The following CLCNKB variants were observed in gnomAD, a reference collection of about 807,000 sequenced individuals.
The protein encoded by CLCNKB is chloride channel protein ClC-Kb.
A neutral mutation model predicts 83.8 loss-of-function variants in CLCNKB; 74 were observed. The ratio of observed to expected loss-of-function variants is 0.88; its 90% CI spans 0.73 to 1.07. CLCNKB has a LOEUF of 1.07. CLCNKB is among the 50% of genes least tolerant of loss of function. The probability of loss-of-function intolerance (pLI) is 0.00; values close to 1 mark genes in which losing one functional copy is unlikely to be tolerated. For missense variants in CLCNKB, 798 were observed against 893.6 expected (o/e 0.89, Z 1.36); for synonymous variants, 358 against 356.6 (o/e 1.00, Z -0.04).
intron 2 of CLCNKB, 46 bp downstream of exon 2, chr1:16,044,638 A>T: frequency 6.8e-7 from 1 of 1,477,150 alleles, no homozygotes; most frequent in East Asian, 2.4e-5. Context: ...ACCACTCAGG[A>T]CATCATTCCT....
rs774299350 is a variant in CLCNKB, at chr1:16,051,769, G to T, written c.1357G>T (p.Val453Leu). The T allele has an allele frequency of 6.2e-7, 1 of 1,613,958 alleles. No individual in the cohort carries two copies. Among genetic ancestry groups the T allele is most frequent in the Non-Finnish European group, 8.5e-7 (1 of 1,179,976 alleles). The change falls in exon 14 of 20, where the codon GTG becomes TTG. Residue 453 changes from valine (V) to leucine (L), a missense_variant. Physicochemically the swap from Val to Leu is conservative, Grantham distance 32. Transcript: ENST00000375679. ...TLSFIFPEGI[V>L]AGGITNPIMP... ...CTCTTTTATCTTCCCTGAGGGCATC[G>T]TGGCTGGAGGGATCACCAATCCCAT... is the stretch of plus-strand genomic sequence containing the variant.
At chr1:16,049,339 T>C in intron 8 of CLCNKB, 94 bp downstream of exon 8, 1 of 1,563,212 alleles carries the variant, frequency 6.4e-7, no homozygotes, top group Non-Finnish European at 8.6e-7. Flanking sequence ...TGCTCTTCCT[T>C]TCCCTCTCTC....
chr1:16,048,640 G>A (rs2023178637), intron 7 of CLCNKB, 58 bp downstream of exon 7: 5 of 1,604,344 alleles, frequency 3.1e-6, no homozygotes, highest in Admixed American at 1.7e-5. Flanking sequence ...CTCACACCCT[G>A]GGCTCCTTCG....
chr1:16,049,380 T>G, intron 8 of CLCNKB, 135 bp downstream of exon 8: 1 of 1,525,646 alleles, frequency 6.6e-7, no homozygotes, highest in East Asian at 2.4e-5. Flanking sequence ...TGTTCCCACC[T>G]CCTTCTGGGA....
Position 16,055,478 on chromosome 1 carries a change from G to C in CLCNKB, c.1800G>C (p.Val600=). 1 of 1,613,232 alleles carries C rather than the reference G, an allele frequency of 6.2e-7. No homozygotes were observed. The highest frequency in any genetic ancestry group is 8.5e-7 in the Non-Finnish European group (1 of 1,179,942). Residue 600 remains valine, a synonymous_variant, in exon 17 of 20, where the codon GTG becomes GTC. Coordinates refer to ENST00000375679, the MANE Select transcript of CLCNKB (RefSeq NM_000085.5). The stretch of plus-strand genomic sequence containing the variant: ...GCATAGTGCGAAGGGCCCAGCTGGT[G>C]CAGGCCCTGAAGGCTGAGCCTCCTT... The part of the protein sequence containing the change: ...LVGIVRRAQL[V]QALKAEPPSW...
intron 1 of CLCNKB, 52 bp from the exon 2 acceptor site, chr1:16,044,434 G>A (rs1274980721): frequency 6.8e-7 from 1 of 1,467,404 alleles, no homozygotes; most frequent in Non-Finnish European, 9.4e-7. Context: ...TAGAGGCAGT[G>A]CGAGGACGTG....
rs568382869 is a variant in CLCNKB at position 16,048,566 on chromosome 1, T to C, written c.639T>C (p.Phe213=). The C allele has an allele frequency of 7.4e-5, 119 of 1,613,236 alleles. No homozygotes were observed. The highest frequency in any genetic ancestry group is 6.9e-4 in the South Asian group (63 of 91,046). Residue 213 remains phenylalanine, a synonymous_variant, in exon 7 of 20, where the codon TTT becomes TTC. Coordinates refer to ENST00000375679, the MANE Select transcript of CLCNKB (RefSeq NM_000085.5). ...AAAAVGVATV[F]AAPFSGVLFS... ...CGGCAGTGGGCGTGGCCACAGTCTT[T>C]GCAGCTCCCTTCAGCGGTGAGACCC... is the stretch of plus-strand genomic sequence containing the variant.
At position 16,051,085 on chromosome 1, in the gene CLCNKB, G is replaced by T. The variant is rs1423350226; in HGVS notation, c.1227+37G>T. ...GGTCCCCAGGTGTGCACAGAGCTGG[G>T]ACCAGCTCTGGTGGTGGTGGGGGGT... On this transcript the variant is annotated intron_variant, in intron 12 of 19. Transcript: ENST00000375679. The T allele has an allele frequency of 3.1e-6, 5 of 1,610,910 alleles. No homozygotes were observed. The South Asian group carries it at 5.5e-5, about 18-fold the overall frequency.
chr1:16,052,710 G>A (rs1332051350), intron 15 of CLCNKB, among the ~76,000 whole-genome samples: 2 of 152,152 alleles, frequency 1.3e-5, no homozygotes, highest in Admixed American at 6.5e-5. Flanking sequence ...TCTTGCTCCA[G>A]GTGACACAGA....
At position 16,050,967 on chromosome 1, in the gene CLCNKB, C is replaced by T. The variant is rs764159319; in HGVS notation, c.1146C>T (p.Leu382=). Residue 382 remains leucine (L), a synonymous_variant, in exon 12 of 20, where the codon CTC becomes CTT. Coordinates refer to ENST00000375679, the MANE Select transcript of CLCNKB (RefSeq NM_000085.5). ...QNSSPPWPEE[L]DPQHLWWEWY... ...CCAGCCCACCCTGGCCCGAGGAGCT[C>T]GACCCCCAGCACCTGTGGTGGGAAT... 4.3e-6 allele frequency: 7 copies of T among 1,613,808 alleles called. No homozygotes were observed. The highest frequency in any genetic ancestry group is 3.3e-5 in the Admixed American group (2 of 60,000).
rs1432964196 is a variant in CLCNKB at position 16,046,619 on chromosome 1, C to T, written c.314C>T (p.Ser105Phe). Residue 105 changes from serine (S) to phenylalanine (F), a missense_variant, in exon 4 of 20, where the codon TCT becomes TTT. Transcript: ENST00000375679. ...SWTVYPVALV[S>F]FSSGFSQSIT... is the part of the protein sequence containing the mutation. ...ACTGTGTACCCTGTGGCCCTCGTCT[C>T]TTTCTCTTCAGGCTTCTCTCAGAGC... is the stretch of plus-strand genomic sequence containing the variant. 1.9e-6 allele frequency: 3 copies of T among 1,614,182 alleles called. No homozygotes were observed. Among genetic ancestry groups the T allele is most frequent in the Non-Finnish European group, 2.5e-6 (3 of 1,180,028 alleles).
rs1477301109 is a variant in CLCNKB at position 16,055,817 on chromosome 1, TGAG to T, written c.1929+63_1929+65del. On this transcript the variant is annotated intron_variant, in intron 18 of 19. Transcript: ENST00000375679. ...GGCCTCTGGGTGGGGGAAGAGCTGA[TGAG>T]GAGCTCACGCTCCAGCCTCCCCTCC... 4 of 1,521,990 alleles carry T rather than the reference TGAG, an allele frequency of 2.6e-6. No homozygotes were observed. The African/African-American group carries it at 5.5e-5, about 21-fold the overall frequency. The allele number at this position is 1,521,990 out of a possible 1,614,324, so 94.3% of individuals were successfully genotyped here.
In CLCNKB at chr1:16,052,485, G is replaced by C. The variant is rs56327038; in HGVS notation, c.1622+74G>C. 0.12 allele frequency: 193,547 copies of C among 1,591,714 alleles called. 13,112 individuals carry two copies. Among genetic ancestry groups the C allele is most frequent in the African/African-American group, 0.23 (16,800 of 74,418 alleles). On this transcript the variant is annotated intron_variant, in intron 15 of 19. Coordinates refer to ENST00000375679, the MANE Select transcript of CLCNKB (RefSeq NM_000085.5). Reference sequence around the variant, plus strand: ...GAAGGGCTGGGGTGAAGGGCACCTCGAAAAAGAAACGCCACCGTAGCTGAC... The same window carrying C: ...GAAGGGCTGGGGTGAAGGGCACCTCCAAAAAGAAACGCCACCGTAGCTGAC...
At chr1:16,045,175 C>G (rs1354703442) in intron 2 of CLCNKB, among the ~76,000 whole-genome samples, 1 of 152,192 alleles carries the variant, frequency 6.6e-6, no homozygotes, top group Non-Finnish European at 1.5e-5. Context: ...TCCTGGGACA[C>G]GCAGGAGTCT....
intron 10 of CLCNKB, among the ~76,000 whole-genome samples, chr1:16,050,240 C>T (rs2023244610): frequency 6.6e-6 from 1 of 152,012 alleles, no homozygotes; most frequent in African/African-American, 2.4e-5. Context: ...TTGGCCAAGC[C>T]CTCCTGCCCC....
Position 16,048,581 on chromosome 1 carries a change from C to T in CLCNKB, c.654C>T (p.Ser218=), listed in dbSNP as rs570932719. ...CCACAGTCTTTGCAGCTCCCTTCAG[C>T]GGTGAGACCCCTTCATGCCCCGCCC... ...GVATVFAAPF[S]GVLFSIEVMS... is the part of the protein sequence containing the mutation. The change falls in exon 7 of 20, where the codon AGC becomes AGT. Residue 218 remains serine (S), a splice_region_variant and synonymous_variant. Transcript: ENST00000375679. 39 of 1,613,206 alleles carry T rather than the reference C, an allele frequency of 2.4e-5. No individual in the cohort carries two copies. The highest frequency in any genetic ancestry group is 7.6e-6 in the Non-Finnish European group (9 of 1,179,572).
intron 3 of CLCNKB, among the ~76,000 whole-genome samples, 190 bp downstream of exon 3, chr1:16,045,876 T>C (rs1038356588): frequency 2.0e-5 from 3 of 152,128 alleles, no homozygotes; most frequent in Non-Finnish European, 4.4e-5. Context: ...GCCTCAGTCA[T>C]CTCATTTGCA....
chr1:16,050,722 T>A, intron 11 of CLCNKB, 122 bp downstream of exon 11: 1 of 1,474,960 alleles, frequency 6.8e-7, no homozygotes, highest in Non-Finnish European at 9.3e-7. Flanking sequence ...ATTTTATAGA[T>A]GATACTACAG....
rs2023419285 is a variant in CLCNKB at position 16,055,763 on chromosome 1, C to CG, written c.1929+9dup. On this transcript the variant is annotated splice_donor_region_variant and intron_variant, in intron 18 of 19. Coordinates refer to ENST00000375679, the MANE Select transcript of CLCNKB (RefSeq NM_000085.5). ...CCAGAGACTTCCCTGCATGAGGTAA[C>CG]GGGGAGAACTGGGGAGTGTGACACA... 1.2e-6 allele frequency: 2 copies of CG among 1,613,026 alleles called. No individual in the cohort carries two copies. Among genetic ancestry groups the CG allele is most frequent in the African/African-American group, 2.7e-5 (2 of 75,014 alleles).
Sources: allele counts gnomAD v4.1 joint callset (sites outside exome capture counted in the v4.1 genomes callset), GRCh38; gene constraint gnomAD v4.1.1; transcripts MANE v1.5; gene names NCBI Gene and HGNC (gene_info 2026-07-23, HGNC 2026-07-21).